DLG2: variants seen among roughly 807,000 people sequenced by gnomAD.
DLG2 encodes the protein disks large homolog 2.
A neutral mutation model predicts 132.5 loss-of-function variants in DLG2; 45 were observed. The ratio of observed to expected loss-of-function variants is 0.34; its 90% CI spans 0.27 to 0.44. The LOEUF is 0.44. Ranked by LOEUF, DLG2 falls within the 20% of genes least tolerant of loss-of-function variation. DLG2 has a pLI of 1.00. For synonymous variants in DLG2, 424 were observed against 419.6 expected (o/e 1.01, Z -0.13); for missense variants, 1,045 against 1,196.9 (o/e 0.87, Z 1.87).
intron 12 of DLG2, among the ~76,000 whole-genome samples, chr11:83,967,035 C>T (rs1475373039): frequency 6.6e-6 from 1 of 151,984 alleles, no homozygotes; most frequent in Non-Finnish European, 1.5e-5. Flanking sequence ...TAATGCCCTC[C>T]AAGTCTACCC....
At chr11:85,585,546 T>C (rs1374132154) in intron 3 of DLG2, among the ~76,000 whole-genome samples, 1 of 152,202 alleles carries the variant, frequency 6.6e-6, no homozygotes, top group Non-Finnish European at 1.5e-5. Context: ...TGTTTGCTGT[T>C]GATTTGTCAT....
Position 85,162,129 on chromosome 11 carries a change from A to C in DLG2, c.187-7478T>G, listed in dbSNP as rs553745688. Among the ~76,000 whole-genome samples, 8 of 152,340 alleles carry C rather than the reference A, an allele frequency of 5.3e-5. No individual in the cohort carries two copies. The South Asian group carries it at 1.7e-3, about 32-fold the overall frequency. On this transcript the variant is annotated intron_variant, in intron 4 of 27. Coordinates refer to ENST00000376104, the MANE Select transcript of DLG2 (RefSeq NM_001142699.3). ...CCACTTTTAAGTCAACAGGCTAAGA[A>C]GGGAGTTATAGTGTTGGCTGGTGTG...
At chr11:84,361,056 C>A (rs1036222855) in intron 7 of DLG2, among the ~76,000 whole-genome samples, 2 of 151,656 alleles carry the variant, frequency 1.3e-5, no homozygotes, top group African/African-American at 4.8e-5. Context: ...GAAATAGTGA[C>A]GGAAACTGTT....
chr11:84,255,326 T>C (rs1329124354), intron 7 of DLG2, among the ~76,000 whole-genome samples: 1 of 152,144 alleles, frequency 6.6e-6, no homozygotes, highest in Non-Finnish European at 1.5e-5. Context: ...ACCCTCTTTA[T>C]TTTATTATTA....
At chr11:83,903,922 T>G (rs1238095550) in intron 15 of DLG2, among the ~76,000 whole-genome samples, 1 of 152,196 alleles carries the variant, frequency 6.6e-6, no homozygotes, top group Admixed American at 6.6e-5. Context: ...TTTTTTCCTA[T>G]GCATACATAT....
intron 6 of DLG2, among the ~76,000 whole-genome samples, chr11:84,586,644 T>A (rs1387425807): frequency 6.6e-6 from 1 of 152,148 alleles, no homozygotes; most frequent in East Asian, 1.9e-4. Context: ...TATTTTTCTA[T>A]ATTATTTTTT....
At chr11:84,025,332 T>G (rs2095509280) in intron 11 of DLG2, among the ~76,000 whole-genome samples, 1 of 152,018 alleles carries the variant, frequency 6.6e-6, no homozygotes, top group Non-Finnish European at 1.5e-5. Context: ...CTACTAGATC[T>G]CTTGAGATTT....
chr11:85,494,929 A>G (rs1038313122), intron 3 of DLG2, among the ~76,000 whole-genome samples: 5 of 152,102 alleles, frequency 3.3e-5, no homozygotes, highest in African/African-American at 1.2e-4. Context: ...ACTAAATGAG[A>G]CATTTATCCC....
At chr11:84,652,299 G>A (rs569838670) in intron 6 of DLG2, among the ~76,000 whole-genome samples, 2 of 152,084 alleles carry the variant, frequency 1.3e-5, no homozygotes, top group East Asian at 1.9e-4. Context: ...AGAAATAATA[G>A]TAGAGGAATG....
At chr11:84,665,497 T>C (rs1422133141) in intron 6 of DLG2, among the ~76,000 whole-genome samples, 8 of 152,268 alleles carry the variant, frequency 5.3e-5, no homozygotes, top group African/African-American at 1.9e-4. Flanking sequence ...TCCATGCCTT[T>C]CCACATGCTA....
Position 83,810,159 on chromosome 11 carries a change from A to C in DLG2, c.1723-23367T>G, listed in dbSNP as rs1009830097. 2.6e-5 allele frequency among the ~76,000 whole-genome samples: 4 copies of C among 152,144 alleles called. No individual in the cohort carries two copies. The East Asian group carries it at 7.7e-4, about 29-fold the overall frequency. Reference sequence around the variant, plus strand: ...GGCTTGTGAGTGTTTGACAATGTAAATTATTCTTCCTGAGAACAAGTCCAC... The same window carrying C: ...GGCTTGTGAGTGTTTGACAATGTAACTTATTCTTCCTGAGAACAAGTCCAC... On this transcript the variant is annotated intron_variant, in intron 17 of 27. Coordinates refer to ENST00000376104, the MANE Select transcript of DLG2 (RefSeq NM_001142699.3).
chr11:85,436,307 A>T (rs975905452), intron 3 of DLG2, among the ~76,000 whole-genome samples: 8 of 152,188 alleles, frequency 5.3e-5, no homozygotes, highest in Admixed American at 2.0e-4. Context: ...AAAATTGACA[A>T]ATCAGTCCTA....
intron 4 of DLG2, among the ~76,000 whole-genome samples, chr11:85,259,394 A>T (rs555892531): frequency 4.3e-4 from 66 of 152,166 alleles, no homozygotes; most frequent in African/African-American, 1.4e-3. Context: ...TGAGCCAATT[A>T]TACCCCTTTT....
intron 6 of DLG2, among the ~76,000 whole-genome samples, chr11:84,875,379 T>C (rs890638556): frequency 1.3e-5 from 2 of 152,066 alleles, no homozygotes; most frequent in African/African-American, 4.8e-5. Context: ...CTTGGGAGAA[T>C]GTTTAAAATA....
intron 17 of DLG2, chr11:83,790,268 T>C: frequency 1.1e-6 from 1 of 924,148 alleles, no homozygotes; most frequent in South Asian, 1.4e-5. Context: ...AAACCTACCA[T>C]TTGAGTGCCC....
At chr11:84,590,966 C>G (rs1218327798) in intron 6 of DLG2, among the ~76,000 whole-genome samples, 1 of 152,142 alleles carries the variant, frequency 6.6e-6, no homozygotes, top group Admixed American at 6.5e-5. Flanking sequence ...TTATGCAGCT[C>G]TCTGATTCAA....
At chr11:84,928,560 T>C (rs560517260) in intron 6 of DLG2, among the ~76,000 whole-genome samples, 3 of 151,988 alleles carry the variant, frequency 2.0e-5, no homozygotes, top group Non-Finnish European at 4.4e-5. Context: ...ATCATTCCTT[T>C]TGACTGGCTT....
intron 7 of DLG2, among the ~76,000 whole-genome samples, chr11:84,337,554 C>T (rs2098492429): frequency 6.6e-6 from 1 of 152,002 alleles, no homozygotes; most frequent in Non-Finnish European, 1.5e-5. Context: ...AATCTGCTTT[C>T]ACATTTAATA....
chr11:85,387,071 A>T (rs547272077), intron 3 of DLG2, among the ~76,000 whole-genome samples: 2 of 152,176 alleles, frequency 1.3e-5, no homozygotes, highest in East Asian at 3.9e-4. Context: ...TATTTTTAGT[A>T]GAGACAGGGT....
Sources: allele counts gnomAD v4.1 joint callset (sites outside exome capture counted in the v4.1 genomes callset), GRCh38; gene constraint gnomAD v4.1.1; transcripts MANE v1.5; gene names NCBI Gene and HGNC (gene_info 2026-07-23, HGNC 2026-07-21).